The following CIITA variants were observed in gnomAD, a reference collection of about 807,000 sequenced individuals.
The protein encoded by CIITA is MHC class II transactivator.
Under a neutral mutation model 115.1 loss-of-function variants are expected in CIITA, and 72 were observed. The observed-to-expected ratio is 0.63, with a 90% confidence interval of 0.52 to 0.76. CIITA has a LOEUF of 0.76. Among genes scored for constraint, CIITA ranks in the 30% least tolerant of loss-of-function variants. The pLI, the probability that CIITA is intolerant of heterozygous loss-of-function variation, is 0.00. For synonymous variants in CIITA, 763 were observed against 635.6 expected (o/e 1.20, Z -3.02); for missense variants, 1,617 against 1,463.8 (o/e 1.10, Z -1.71).
upstream of CIITA, among the ~76,000 whole-genome samples, chr16:10,876,933 T>G (rs1030926307): frequency 6.6e-6 from 1 of 152,204 alleles, no homozygotes; most frequent in Non-Finnish European, 1.5e-5. Flanking sequence ...ATTGTGATCA[T>G]CATTTCTGAA....
chr16:10,868,950 C>A (rs1008550975), intron 1 of CIITA, among the ~76,000 whole-genome samples: 1 of 152,202 alleles, frequency 6.6e-6, no homozygotes, highest in Non-Finnish European at 1.5e-5. Context: ...CCAGGCTTGA[C>A]CTGCGACAGT....
chr16:10,901,569 C>T lies in CIITA; in HGVS notation c.481+11C>T. ...AGCACTGGAAGCCAGGTGTGCAGGG[C>T]AGGTGGGCTGGGGTTGGGAAGGGTG... On this transcript the variant is annotated intron_variant, in intron 6 of 19. Transcript: ENST00000324288. The surrounding 1 kb of genome is among the most constrained non-coding windows in gnomAD (Gnocchi z 6.8). The T allele has an allele frequency of 6.2e-7, 1 of 1,613,604 alleles. No homozygotes were observed. The highest frequency in any genetic ancestry group is 8.5e-7 in the Non-Finnish European group (1 of 1,179,814).
chr16:10,941,687 T>C lies in CIITA; in HGVS notation n.813T>C, dbSNP rs764569640. On this transcript the variant is annotated non_coding_transcript_exon_variant, in exon 2 of 2. Transcript: ENST00000573379. This position sits in a 1 kb window ranked among gnomAD's most constrained non-coding sequence, Gnocchi z 6.4. ...GGTCCAGGGCATGGGTTGCGGATCG[T>C]GTAGGGAAGAGGGGAACAGCAGTCG... 8 of 1,581,770 alleles carry C rather than the reference T, an allele frequency of 5.1e-6. No homozygotes were observed. In the Admixed American group the frequency reaches 1.4e-4, roughly 27 times the overall value.
chr16:10,895,676 C>T lies in CIITA; in HGVS notation c.207C>T (p.Asp69=). 3 of 1,614,156 alleles carry T rather than the reference C, an allele frequency of 1.9e-6. No homozygotes were observed. Among genetic ancestry groups the T allele is most frequent in the Non-Finnish European group, 2.5e-6 (3 of 1,180,018 alleles). Residue 69 remains aspartate, a synonymous_variant, in exon 3 of 20, where the codon GAC becomes GAT. Coordinates refer to ENST00000324288, the MANE Select transcript of CIITA (RefSeq NM_000246.4). ...EEEIELYSEP[D]TDTINCDQFS... ...AGGGACTTTTCCTCCCAGAACCCGACACAGACACCATCAACTGCGACCAGT... is the reference window on the plus strand; with the variant it reads ...AGGGACTTTTCCTCCCAGAACCCGATACAGACACCATCAACTGCGACCAGT...
intron 1 of CIITA, among the ~76,000 whole-genome samples, chr16:10,887,218 A>G (rs926619168): frequency 6.6e-6 from 1 of 152,048 alleles, no homozygotes; most frequent in Non-Finnish European, 1.5e-5. Context: ...GCAGCTTGTC[A>G]TGAGGTTGGG....
At chr16:10,869,520 C>T (rs2035328490) in intron 1 of CIITA, among the ~76,000 whole-genome samples, 1 of 98,284 alleles carries the variant, frequency 1.0e-5, no homozygotes, top group Admixed American at 1.3e-4. Context: ...ATTTTTTCCC[C>T]ACTTTTTTTT....
At chr16:10,912,847 G>A (rs8052440) in intron 13 of CIITA, among the ~76,000 whole-genome samples, 8,001 of 152,290 alleles carry the variant, frequency 0.053, 271 homozygotes, top group East Asian at 0.17. Context: ...GGAAGCCCCC[G>A]AGGAGGTTCT....
In CIITA at chr16:10,915,633, C is replaced by T. The variant is rs2039899980; in HGVS notation, c.2952C>T (p.Ser984=). The T allele has an allele frequency of 1.2e-6, 2 of 1,614,078 alleles. No homozygotes were observed. The highest frequency in any genetic ancestry group is 1.7e-6 in the Non-Finnish European group (2 of 1,179,942). The part of the protein sequence containing the change: ...PKLVRILTAF[S]SLQHLDLDAL... Reference sequence around the variant, plus strand: ...TGGTGCGGATCCTCACGGCCTTTTCCTCCCTGCAGCATCTGGAGTGAGTAT... The same window carrying T: ...TGGTGCGGATCCTCACGGCCTTTTCTTCCCTGCAGCATCTGGAGTGAGTAT... The change falls in exon 14 of 20, where the codon TCC becomes TCT. Residue 984 remains serine, a synonymous_variant. Transcript: ENST00000324288.
chr16:10,872,805 T>A (rs2035576493), upstream of CIITA, among the ~76,000 whole-genome samples: 3 of 152,188 alleles, frequency 2.0e-5, no homozygotes. Flanking sequence ...TATGGTGGAC[T>A]CCCCATCCAG....
rs566776860 is a variant in CIITA at position 10,868,626 on chromosome 16, A to T, written c.-21+2307A>T. ...CAGTGTGGTCTTGATGGTGGCACAG[A>T]TGCCACCTGGGGGAGAAGCCAGAAC... On this transcript the variant is annotated intron_variant, in intron 1 of 5. Transcript: ENST00000636238. Among the ~76,000 whole-genome samples the T allele has an allele frequency of 7.2e-5, 11 of 152,246 alleles. No individual in the cohort carries two copies. The South Asian group carries it at 2.3e-3, about 32-fold the overall frequency.
intron 16 of CIITA, among the ~76,000 whole-genome samples, chr16:10,919,286 C>A (rs914814876): frequency 6.6e-6 from 1 of 151,856 alleles, no homozygotes; most frequent in African/African-American, 2.4e-5. Context: ...TTCTGCCCCC[C>A]CCCAGGTTCA....
downstream of CIITA, chr16:10,937,151 A>C (rs980126936): frequency 3.9e-5 from 6 of 152,386 alleles, no homozygotes; most frequent in East Asian, 1.2e-3. The surrounding 1 kb of genome is among the most constrained non-coding windows in gnomAD (Gnocchi z 4.2). Context: ...AATGTACCCT[A>C]TGGCCAAGGA....
At position 10,923,738 on chromosome 16, in the gene CIITA, T is replaced by C. The variant is rs543497918; in HGVS notation, c.*23-140T>C. The C allele has an allele frequency of 1.6e-5, 4 of 256,788 alleles. No individual in the cohort carries two copies. In the East Asian group the frequency reaches 3.2e-4, roughly 20 times the overall value. 15.9% of individuals were successfully genotyped at this position (256,788 alleles called of 1,614,324 possible). ...AGATCACTGTCCCCCAGCCCTGTGC[T>C]CCCCGCACTGTGCTGCACGTCCACC... On this transcript the variant is annotated intron_variant, in intron 19 of 19. Transcript: ENST00000324288. This position sits in a 1 kb window ranked among gnomAD's most constrained non-coding sequence, Gnocchi z 5.2.
rs187360533 is a variant in CIITA, at chr16:10,921,980, T to C, written c.3150-187T>C. ...AGCCTCTATTTTCATATCTAGAAAA[T>C]GGGAACCATCCCAATGGCCTATGTA... On this transcript the variant is annotated intron_variant, in intron 16 of 19. Coordinates refer to ENST00000324288, the MANE Select transcript of CIITA (RefSeq NM_000246.4). Among the ~76,000 whole-genome samples, 292 of 152,316 alleles carry C rather than the reference T, an allele frequency of 1.9e-3. 2 individuals carry two copies. Among genetic ancestry groups the C allele is most frequent in the Non-Finnish European group, 3.7e-4 (25 of 68,024 alleles).
chr16:10,941,819 T>C lies in CIITA; in HGVS notation n.945T>C, dbSNP rs2041106609. The C allele has an allele frequency of 6.2e-7, 1 of 1,613,400 alleles. No individual in the cohort carries two copies. Among genetic ancestry groups the C allele is most frequent in the African/African-American group, 1.3e-5 (1 of 74,910 alleles). ...CCGAGGTCCACGAGCGCCTGGTCCATGTCCTCGGGCAGGAAGACGAGGCCC... is the reference window on the plus strand; with the variant it reads ...CCGAGGTCCACGAGCGCCTGGTCCACGTCCTCGGGCAGGAAGACGAGGCCC... On this transcript the variant is annotated non_coding_transcript_exon_variant, in exon 2 of 2. Transcript: ENST00000573379. The surrounding 1 kb of genome is among the most constrained non-coding windows in gnomAD (Gnocchi z 6.4).
At position 10,901,277 on chromosome 16, in the gene CIITA, G is replaced by T. The variant is rs1368514975; in HGVS notation, c.437-237G>T. Among the ~76,000 whole-genome samples the T allele has an allele frequency of 6.6e-6, 1 of 152,152 alleles. No homozygotes were observed. Among genetic ancestry groups the T allele is most frequent in the Non-Finnish European group, 1.5e-5 (1 of 68,024 alleles). On this transcript the variant is annotated intron_variant, in intron 5 of 19. Coordinates refer to ENST00000324288, the MANE Select transcript of CIITA (RefSeq NM_000246.4). The surrounding 1 kb of genome is among the most constrained non-coding windows in gnomAD (Gnocchi z 6.8). ...GTTTTTTGGCTCAAACCCATGTTGT[G>T]TCCCCATTTGTGACTCGGCCTCTTC...
chr16:10,911,419 T>C (rs577999245), intron 13 of CIITA, among the ~76,000 whole-genome samples: 1 of 148,494 alleles, frequency 6.7e-6, no homozygotes, highest in South Asian at 2.1e-4. Flanking sequence ...TCCCTATCTC[T>C]CTCTTTCTTT....
intron 10 of CIITA, among the ~76,000 whole-genome samples, chr16:10,906,096 G>A (rs1470689175): frequency 6.6e-6 from 1 of 152,004 alleles, no homozygotes; most frequent in African/African-American, 2.4e-5. Context: ...AGGAGGCTGA[G>A]GTGGGAGGAT....
intron 9 of CIITA, 85 bp from the exon 10 acceptor site, chr16:10,904,659 C>G: frequency 7.2e-7 from 1 of 1,393,696 alleles, no homozygotes; most frequent in Non-Finnish European, 1.0e-6. Context: ...CCCATGAAGG[C>G]TGTAAGGACT....
Sources: gnomAD v4.1 joint callset for allele counts (sites outside exome capture counted in the v4.1 genomes callset) on GRCh38, gnomAD v4.1.1 for gene constraint, Gnocchi (gnomAD v3.1) non-coding constraint, MANE v1.5 for transcripts, NCBI Gene and HGNC (gene_info 2026-07-23, HGNC 2026-07-21) for gene names.